The following SRRM3 variants were observed in gnomAD, a reference collection of about 807,000 sequenced individuals.
The protein encoded by SRRM3 is serine/arginine repetitive matrix 3, also known as serine/arginine repetitive matrix protein 3.
SRRM3 carries 27 observed loss-of-function variants against 66.2 expected under a neutral mutation model. The observed-to-expected ratio is 0.41, with a 90% confidence interval of 0.30 to 0.56. The LOEUF (loss-of-function observed/expected upper bound fraction) is 0.56, where lower values mean the gene tolerates loss of function less well. Ranked by LOEUF, SRRM3 falls within the 20% of genes least tolerant of loss-of-function variation. The pLI is 0.32. For synonymous variants in SRRM3, 391 were observed against 414.9 expected (o/e 0.94, Z 0.70); for missense variants, 918 against 991.9 (o/e 0.93, Z 1.00).
Position 76,282,868 on chromosome 7 carries a change from A to G in SRRM3, c.1591A>G (p.Ser531Gly), listed in dbSNP as rs1583947576. 6.9e-7 allele frequency: 1 copy of G among 1,439,314 alleles called. No homozygotes were observed. The highest frequency in any genetic ancestry group is 1.4e-5 in the South Asian group (1 of 73,478). The allele number at this position is 1,439,314 out of a possible 1,614,324, so 89.2% of individuals were successfully genotyped here. Reference sequence around the variant, plus strand: ...CTCGCCGTCGCCCAAGAAGCCCCTCAGCCGGTGAGTGCCCGCCCGGACCGG... The same window carrying G: ...CTCGCCGTCGCCCAAGAAGCCCCTCGGCCGGTGAGTGCCCGCCCGGACCGG... Reference protein sequence around the residue: ...SRSPSPKKPLSRDKDGEGRAR... With the variant: ...SRSPSPKKPLGRDKDGEGRAR... The change falls in exon 13 of 15, where the codon AGC becomes GGC. Residue 531 changes from serine to glycine, a missense_variant. Transcript: ENST00000611745.
intron 1 of SRRM3, among the ~76,000 whole-genome samples, chr7:76,222,105 G>A (rs574830848): frequency 2.6e-5 from 4 of 152,136 alleles, no homozygotes; most frequent in Non-Finnish European, 5.9e-5. Flanking sequence ...TATCCTTTAA[G>A]GGCCTGAGGG....
chr7:76,282,665 C>A lies in SRRM3; in HGVS notation c.1388C>A (p.Pro463Gln). ...TCCTCCAGGGCCAAGGAGCGGCCCC[C>A]GCGCGCGCGGCCCGCCAGCACCTCT... is the stretch of plus-strand genomic sequence containing the variant. ...GHGKRAKERP[P>Q]RARPASTSPS... The change falls in exon 13 of 15, where the codon CCG becomes CAG. Residue 463 changes from proline to glutamine, a missense_variant. By Grantham distance (76) the Pro-to-Gln change is moderately conservative. Coordinates refer to ENST00000611745, the MANE Select transcript of SRRM3 (RefSeq NM_001110199.3). 2 of 1,400,652 alleles carry A rather than the reference C, an allele frequency of 1.4e-6. No homozygotes were observed. Among genetic ancestry groups the A allele is most frequent in the Non-Finnish European group, 1.8e-6 (2 of 1,083,636 alleles). 86.8% of individuals were successfully genotyped at this position (1,400,652 alleles called of 1,614,324 possible). A position where few individuals can be genotyped will look rare whatever the true frequency, so the allele number is the denominator to read the frequency against.
At chr7:76,258,713 C>CAAA (rs201265747) in intron 3 of SRRM3, among the ~76,000 whole-genome samples, 1 of 68,274 alleles carries the variant, frequency 1.5e-5, no homozygotes, top group Non-Finnish European at 3.1e-5. Context: ...GACTCCATCT[C>CAAA]AAAAAAAAAA....
intron 11 of SRRM3, chr7:76,269,621 T>C (rs1435548842): frequency 6.6e-6 from 1 of 152,052 alleles, no homozygotes; most frequent in Non-Finnish European, 1.5e-5. Flanking sequence ...CCGTCTATGT[T>C]TTTGTTTGTT....
intron 3 of SRRM3, among the ~76,000 whole-genome samples, chr7:76,254,317 G>A (rs1801653131): frequency 6.6e-6 from 1 of 151,680 alleles, no homozygotes; most frequent in African/African-American, 2.4e-5. Flanking sequence ...CACTGTGCCT[G>A]GCTGAACTGG....
In SRRM3 at chr7:76,227,692, A is replaced by T. The variant is rs551981074; in HGVS notation, c.-39-7336A>T. Among the ~76,000 whole-genome samples the T allele has an allele frequency of 4.6e-5, 7 of 152,324 alleles. No individual in the cohort carries two copies. In the East Asian group the frequency reaches 1.2e-3, roughly 25 times the overall value. On this transcript the variant is annotated intron_variant, in intron 1 of 14. Transcript: ENST00000611745. Reference sequence around the variant, plus strand: ...CCAGCCTGTGAGCTTCTACAGGGCCATGATGGGGTCATGTTCATCTCTATA... The same window carrying T: ...CCAGCCTGTGAGCTTCTACAGGGCCTTGATGGGGTCATGTTCATCTCTATA...
At position 76,250,854 on chromosome 7, in the gene SRRM3, G is replaced by A. The variant is rs542579722; in HGVS notation, c.335+2565G>A. On this transcript the variant is annotated intron_variant, in intron 3 of 14. Coordinates refer to ENST00000611745, the MANE Select transcript of SRRM3 (RefSeq NM_001110199.3). ...GTGTCATATTGTTGCCCCACAGTCT[G>A]AGAAGTGAAGGAAAAAGCTCGAGAC... 1.7e-4 allele frequency among the ~76,000 whole-genome samples: 26 copies of A among 152,282 alleles called. No homozygotes were observed. In the South Asian group the frequency reaches 5.4e-3, roughly 32 times the overall value.
At chr7:76,237,188 G>A (rs1554605057) in intron 2 of SRRM3, among the ~76,000 whole-genome samples, 2 of 152,098 alleles carry the variant, frequency 1.3e-5, no homozygotes, top group African/African-American at 4.8e-5. Context: ...CGGGCAGATC[G>A]TGAGGTCAGG....
Position 76,285,334 on chromosome 7 carries a change from G to A in SRRM3, c.1734-281G>A. The A allele has an allele frequency of 2.3e-6, 1 of 436,118 alleles. No homozygotes were observed. The highest frequency in any genetic ancestry group is 4.2e-6 in the Non-Finnish European group (1 of 240,238). The allele number at this position is 436,118 out of a possible 1,614,324, so 27.0% of individuals were successfully genotyped here. On this transcript the variant is annotated intron_variant, in intron 14 of 14. Transcript: ENST00000611745. The surrounding 1 kb of genome is among the most constrained non-coding windows in gnomAD (Gnocchi z 4.1). ...CCGCCTCAGCCTCCCAAAGTGCTGGGATTACAGGCGTGAGCCACCGCGCCC... is the reference window on the plus strand; with the variant it reads ...CCGCCTCAGCCTCCCAAAGTGCTGGAATTACAGGCGTGAGCCACCGCGCCC...
intron 2 of SRRM3, among the ~76,000 whole-genome samples, chr7:76,244,119 G>GC (rs1801378168): frequency 6.6e-6 from 1 of 152,094 alleles, no homozygotes; most frequent in African/African-American, 2.4e-5. Flanking sequence ...TAGAAGAAAA[G>GC]CCCCCCACCC....
intron 11 of SRRM3, among the ~76,000 whole-genome samples, chr7:76,274,041 T>C (rs1459153342): frequency 1.3e-5 from 2 of 152,268 alleles, no homozygotes; most frequent in African/African-American, 4.8e-5. Context: ...TTCTGTTGTC[T>C]GGAGTAGCTG....
In SRRM3 at chr7:76,281,681, C is replaced by A; in HGVS notation, c.1249C>A (p.Arg417=). The change falls in exon 12 of 15, where the codon CGG becomes AGG. Residue 417 remains arginine, a synonymous_variant. Coordinates refer to ENST00000611745, the MANE Select transcript of SRRM3 (RefSeq NM_001110199.3). ...GRRRPRPAPP[R]GSSRSLSRAR... is the part of the protein sequence containing the mutation. ...CCGGCGCCCCCGGCCCGCGCCCCCC[C>A]GGGGCTCGTCGCGCTCGCTCAGCAG... 1 of 1,015,606 alleles carries A rather than the reference C, an allele frequency of 9.8e-7. No individual in the cohort carries two copies. Among genetic ancestry groups the A allele is most frequent in the South Asian group, 4.0e-5 (1 of 24,876 alleles). The allele number at this position is 1,015,606 out of a possible 1,614,324, so 62.9% of individuals were successfully genotyped here. A position where few individuals can be genotyped will look rare whatever the true frequency, so the allele number is the denominator to read the frequency against.
At chr7:76,235,589 A>G (rs1344787478) in intron 2 of SRRM3, among the ~76,000 whole-genome samples, 3 of 152,136 alleles carry the variant, frequency 2.0e-5, no homozygotes, top group African/African-American at 7.2e-5. Flanking sequence ...CTTTAATGGC[A>G]AAGTGATGGC....
chr7:76,259,216 T>C (rs938428552), intron 3 of SRRM3, among the ~76,000 whole-genome samples: 1 of 151,476 alleles, frequency 6.6e-6, no homozygotes, highest in Non-Finnish European at 1.5e-5. Flanking sequence ...GGGGAGGGCT[T>C]CAATGAATGG....
chr7:76,213,879 C>A (rs1800495330), intron 1 of SRRM3, among the ~76,000 whole-genome samples: 1 of 152,100 alleles, frequency 6.6e-6, no homozygotes, highest in African/African-American at 2.4e-5. Flanking sequence ...AAGCGATCCT[C>A]CTGCCTCAGC....
intron 2 of SRRM3, among the ~76,000 whole-genome samples, chr7:76,242,006 G>A (rs1173897581): frequency 6.6e-6 from 1 of 152,188 alleles, no homozygotes; most frequent in Admixed American, 6.6e-5. Context: ...TTGGCTTCTG[G>A]TGAGGCCTCA....
In SRRM3 at chr7:76,255,143, TCTTTC is replaced by T. The variant is rs782595481; in HGVS notation, c.336-4762_336-4758del. On this transcript the variant is annotated intron_variant, in intron 3 of 14. Transcript: ENST00000611745. Reference sequence around the variant, plus strand: ...TTTTCCTTTTCTTTCTTTCTTTCTTTCTTTCTTTTTTTTTTTTTTTTTTTGAGATG... The same window carrying T: ...TTTTCCTTTTCTTTCTTTCTTTCTTTTTTTTTTTTTTTTTTTTTTGAGATG... Among the ~76,000 whole-genome samples the T allele has an allele frequency of 2.0e-3, 224 of 110,218 alleles. 3 individuals carry two copies. Among genetic ancestry groups the T allele is most frequent in the African/African-American group, 6.8e-3 (209 of 30,526 alleles). 72.3% of individuals were successfully genotyped at this position (110,218 alleles called of 152,430 possible). A position where few individuals can be genotyped will look rare whatever the true frequency, so the allele number is the denominator to read the frequency against.
intron 11 of SRRM3, among the ~76,000 whole-genome samples, chr7:76,280,850 T>C (rs1554611748): frequency 1.3e-5 from 2 of 148,190 alleles, no homozygotes; most frequent in Non-Finnish European, 3.0e-5. Context: ...CCTGCCTGTC[T>C]GGATTTTTTC....
chr7:76,229,081 G>A lies in SRRM3; in HGVS notation c.-39-5947G>A, dbSNP rs528844289. 5.3e-5 allele frequency among the ~76,000 whole-genome samples: 8 copies of A among 151,938 alleles called. No individual in the cohort carries two copies. The South Asian group carries it at 1.7e-3, about 32-fold the overall frequency. On this transcript the variant is annotated intron_variant, in intron 1 of 14. Coordinates refer to ENST00000611745, the MANE Select transcript of SRRM3 (RefSeq NM_001110199.3). ...ACCCGGCTAATTTTTTGTATATTTA[G>A]TAGAGACAGGGTTTCACCATGTTAG...
Sources: gnomAD v4.1 joint callset for allele counts (sites outside exome capture counted in the v4.1 genomes callset) on GRCh38, gnomAD v4.1.1 for gene constraint, Gnocchi (gnomAD v3.1) non-coding constraint, MANE v1.5 for transcripts, NCBI Gene and HGNC (gene_info 2026-07-23, HGNC 2026-07-21) for gene names.